ZKSCAN2: variants seen among roughly 807,000 people sequenced by gnomAD.
ZKSCAN2 encodes zinc finger with KRAB and SCAN domains 2, also known as zinc finger protein with KRAB and SCAN domains 2.
ZKSCAN2 carries 38 observed loss-of-function variants against 90.5 expected under a neutral mutation model. The observed-to-expected ratio is 0.42, with a 90% confidence interval of 0.32 to 0.55. The LOEUF (loss-of-function observed/expected upper bound fraction) is 0.55. Among genes scored for constraint, ZKSCAN2 ranks in the 20% least tolerant of loss-of-function variants. The pLI, the probability that ZKSCAN2 is intolerant of heterozygous loss-of-function variation, is 0.11. For missense variants in ZKSCAN2, 1,167 were observed against 1,202.6 expected, an observed-to-expected ratio of 0.97 and a Z score of 0.44; for synonymous variants, 429 against 421.6, an observed-to-expected ratio of 1.02 and a Z score of -0.22.
Position 25,256,808 on chromosome 16 carries a change from T to G in ZKSCAN2, c.320A>C (p.Lys107Thr), listed in dbSNP as rs769362356. Residue 107 changes from lysine (K) to threonine (T), a missense_variant, in exon 1 of 7, where the codon AAG becomes ACG. By Grantham distance (78) the Lys-to-Thr change is moderately conservative. Coordinates refer to ENST00000328086, the MANE Select transcript of ZKSCAN2 (RefSeq NM_001012981.5). ...TTCCTCTCCACTTTGCGGACACTGC[T>G]TCTGTGCCCAAGCCTGAATCTTCTC... ...LPEKIQAWAQ[K>T]QCPQSGEEAV... The G allele has an allele frequency of 1.1e-5, 18 of 1,614,210 alleles. No homozygotes were observed. The highest frequency in any genetic ancestry group is 1.5e-5 in the Non-Finnish European group (18 of 1,180,038).
Position 25,255,502 on chromosome 16 carries a change from A to G in ZKSCAN2, c.400-110T>C, listed in dbSNP as rs1963087494. ...GACAGAGACATGAGAAGGAATGAAAATTCCACTCCATTCCCAGTGGAGTCT... is the reference window on the plus strand; with the variant it reads ...GACAGAGACATGAGAAGGAATGAAAGTTCCACTCCATTCCCAGTGGAGTCT... On this transcript the variant is annotated intron_variant, in intron 1 of 6. Coordinates refer to ENST00000328086, the MANE Select transcript of ZKSCAN2 (RefSeq NM_001012981.5). 3 of 1,167,900 alleles carry G rather than the reference A, an allele frequency of 2.6e-6. No homozygotes were observed. The Admixed American group carries it at 8.4e-5, about 33-fold the overall frequency. 72.3% of individuals were successfully genotyped at this position (1,167,900 alleles called of 1,614,324 possible). A position where few individuals can be genotyped will look rare whatever the true frequency, so the allele number is the denominator to read the frequency against.
intron 5 of ZKSCAN2, 189 bp downstream of exon 5, chr16:25,246,518 C>G: frequency 1.6e-6 from 1 of 623,384 alleles, no homozygotes; most frequent in Non-Finnish European, 2.8e-6. Context: ...CCACTTGGAG[C>G]TGTTACTCTG....
intron 3 of ZKSCAN2, among the ~76,000 whole-genome samples, chr16:25,252,547 G>A (rs1345283340): frequency 6.6e-6 from 1 of 152,078 alleles, no homozygotes; most frequent in Non-Finnish European, 1.5e-5. Flanking sequence ...ACTCTTGACG[G>A]GAGTATAAAA....
rs1225550975 is a variant in ZKSCAN2 at position 25,256,857 on chromosome 16, C to T, written c.271G>A (p.Glu91Lys). 1 of 1,614,128 alleles carries T rather than the reference C, an allele frequency of 6.2e-7. No homozygotes were observed. The highest frequency in any genetic ancestry group is 8.5e-7 in the Non-Finnish European group (1 of 1,180,052). ...KEQILELLVI[E>K]QFLTILPEKI... is the part of the protein sequence containing the mutation. ...TCGGGTAAAATGGTGAGAAACTGCT[C>T]AATCACCAGCAGCTCAAGTATTTGC... The change falls in exon 1 of 7, where the codon GAG becomes AAG. Residue 91 changes from glutamate to lysine, a missense_variant. Coordinates refer to ENST00000328086, the MANE Select transcript of ZKSCAN2 (RefSeq NM_001012981.5).
In ZKSCAN2 at chr16:25,257,142, G is replaced by A. The variant is rs2141373680; in HGVS notation, c.-15C>T. On this transcript the variant is annotated 5_prime_UTR_variant, in exon 1 of 7. Coordinates refer to ENST00000328086, the MANE Select transcript of ZKSCAN2 (RefSeq NM_001012981.5). ...GCGACAGCCATGCTGCAGCCCAGGG[G>A]TCAACTTCACGTCTAGCTCAAGGTG... 1 of 1,574,150 alleles carries A rather than the reference G, an allele frequency of 6.4e-7. No individual in the cohort carries two copies. The highest frequency in any genetic ancestry group is 8.6e-7 in the Non-Finnish European group (1 of 1,160,650).
In ZKSCAN2 at chr16:25,244,215, A is replaced by G; in HGVS notation, c.1551T>C (p.Phe517=). Residue 517 remains phenylalanine (F), a synonymous_variant, in exon 6 of 7, where the codon TTT becomes TTC. Transcript: ENST00000328086. ...GATGACAGGCTTGAAGCGCTTCATA[A>G]AACCGAGTCTCACGGAGGATATCAA... ...TFLDILRETR[F]YEALQACHRK... 1 of 1,614,138 alleles carries G rather than the reference A, an allele frequency of 6.2e-7. No individual in the cohort carries two copies. The highest frequency in any genetic ancestry group is 1.1e-5 in the South Asian group (1 of 91,074).
At position 25,240,620 on chromosome 16, in the gene ZKSCAN2, G is replaced by A. The variant is rs770927011; in HGVS notation, c.2100C>T (p.Pro700=). 6.2e-7 allele frequency: 1 copy of A among 1,613,982 alleles called. No individual in the cohort carries two copies. The highest frequency in any genetic ancestry group is 1.3e-5 in the African/African-American group (1 of 74,878). The change falls in exon 7 of 7, where the codon CCC becomes CCT. Residue 700 remains proline, a synonymous_variant. Coordinates refer to ENST00000328086, the MANE Select transcript of ZKSCAN2 (RefSeq NM_001012981.5). ...TGCATTCCCTTTTGCGATATTTGCTGGGGTCGGTACTCTGGGAAACAACTC... is the reference window on the plus strand; with the variant it reads ...TGCATTCCCTTTTGCGATATTTGCTAGGGTCGGTACTCTGGGAAACAACTC... ...SKRVVSQSTD[P]SKYRKRECIS... is the part of the protein sequence containing the mutation.
chr16:25,257,514 T>G lies in ZKSCAN2; in HGVS notation c.-387A>C, dbSNP rs1963128172. Reference sequence around the variant, plus strand: ...AGGGGGTGTGTCCGCTACTCCCGGGTCGGGCGCGGAGAGGCGAGTCCCCGA... The same window carrying G: ...AGGGGGTGTGTCCGCTACTCCCGGGGCGGGCGCGGAGAGGCGAGTCCCCGA... On this transcript the variant is annotated 5_prime_UTR_variant, in exon 1 of 7. Transcript: ENST00000328086. 2.0e-6 allele frequency: 2 copies of G among 992,186 alleles called. No individual in the cohort carries two copies. Among genetic ancestry groups the G allele is most frequent in the Non-Finnish European group, 2.4e-6 (2 of 835,144 alleles). The allele number at this position is 992,186 out of a possible 1,614,324, so 61.5% of individuals were successfully genotyped here.
rs1833383759 is a variant in ZKSCAN2, at chr16:25,240,373, A to C, written c.2347T>G (p.Cys783Gly). The part of the protein sequence containing the change: ...NPYKCGVCGK[C>G]FGRSRSLIRH... Reference sequence around the variant, plus strand: ...ATCAGGCTCCTGCTTCTACCAAAGCACTTCCCACAGACACCACACTTGTAA... The same window carrying C: ...ATCAGGCTCCTGCTTCTACCAAAGCCCTTCCCACAGACACCACACTTGTAA... Residue 783 changes from cysteine (C) to glycine (G), a missense_variant, in exon 7 of 7, where the codon TGC becomes GGC. Coordinates refer to ENST00000328086, the MANE Select transcript of ZKSCAN2 (RefSeq NM_001012981.5). 6.2e-7 allele frequency: 1 copy of C among 1,614,030 alleles called. No homozygotes were observed. Among genetic ancestry groups the C allele is most frequent in the Admixed American group, 1.7e-5 (1 of 60,008 alleles).
intron 4 of ZKSCAN2, among the ~76,000 whole-genome samples, chr16:25,248,603 G>A (rs8056232): frequency 0.42 from 64,175 of 152,004 alleles, 14,333 homozygotes; most frequent in African/African-American, 0.56. Flanking sequence ...CCACAATGAG[G>A]TATCATTTCA....
chr16:25,240,313 A>G lies in ZKSCAN2; in HGVS notation c.2407T>C (p.Phe803Leu). ...HQRIHTGEKP[F>L]KCLDCGKSFN... The stretch of plus-strand genomic sequence containing the variant: ...CTTTTTCCACAGTCAAGACATTTAA[A>G]AGGTTTTTCGCCTGTGTGGATTCTT... Residue 803 changes from phenylalanine (F) to leucine (L), a missense_variant, in exon 7 of 7, where the codon TTT becomes CTT. By Grantham distance (22) the Phe-to-Leu change is conservative. Coordinates refer to ENST00000328086, the MANE Select transcript of ZKSCAN2 (RefSeq NM_001012981.5). 6.2e-7 allele frequency: 1 copy of G among 1,614,038 alleles called. No homozygotes were observed. Among genetic ancestry groups the G allele is most frequent in the Non-Finnish European group, 8.5e-7 (1 of 1,179,996 alleles).
chr16:25,246,727 A>T lies in ZKSCAN2; in HGVS notation c.1469T>A (p.Val490Asp), dbSNP rs1962938094. The T allele has an allele frequency of 6.2e-7, 1 of 1,614,120 alleles. No individual in the cohort carries two copies. Among genetic ancestry groups the T allele is most frequent in the South Asian group, 1.1e-5 (1 of 91,090 alleles). The change falls in exon 5 of 7, where the codon GTC (valine) becomes GAC (aspartate). Residue 490 changes from valine (V) to aspartate (D), a missense_variant. Val to Asp is a radical substitution (Grantham distance 152). Coordinates refer to ENST00000328086, the MANE Select transcript of ZKSCAN2 (RefSeq NM_001012981.5). ...IRKSEIHGAP[V>D]LFQNLSGVHW... The stretch of plus-strand genomic sequence containing the variant: ...CTTACCACTGAGATTCTGAAACAAG[A>T]CAGGGGCACCATGGATTTCAGACTT...
In ZKSCAN2 at chr16:25,236,668, T is replaced by G. The variant is rs920972696; in HGVS notation, c.*3148A>C. On this transcript the variant is annotated 3_prime_UTR_variant, in exon 7 of 7. Transcript: ENST00000328086. ...CATGCTCATTCCACCAAGGCCAGGC[T>G]GCCCTGAGCCATTTACGTGTGAGGT... 1 of 152,242 alleles carries G rather than the reference T, an allele frequency of 6.6e-6. No individual in the cohort carries two copies. Among genetic ancestry groups the G allele is most frequent in the Non-Finnish European group, 1.5e-5 (1 of 68,044 alleles). The allele number at this position is 152,242 out of a possible 1,614,324, so 9.4% of individuals were successfully genotyped here. A position where few individuals can be genotyped will look rare whatever the true frequency, so the allele number is the denominator to read the frequency against.
rs1963085527 is a variant in ZKSCAN2, at chr16:25,255,401, T to TG, written c.400-10dup. On this transcript the variant is annotated splice_polypyrimidine_tract_variant and intron_variant, in intron 1 of 6. Coordinates refer to ENST00000328086, the MANE Select transcript of ZKSCAN2 (RefSeq NM_001012981.5). ...TGCACGGGACTGCTGACCTGAGAAATGAAGTCAATACCATAAGAGGGAGTA... is the reference window on the plus strand; with the variant it reads ...TGCACGGGACTGCTGACCTGAGAAATGGAAGTCAATACCATAAGAGGGAGTA... 2 of 1,607,516 alleles carry TG rather than the reference T, an allele frequency of 1.2e-6. No individual in the cohort carries two copies. The highest frequency in any genetic ancestry group is 1.7e-5 in the Admixed American group (1 of 59,284).
chr16:25,244,181 T>G lies in ZKSCAN2; in HGVS notation c.1585A>C (p.Lys529Gln), dbSNP rs1962896477. 1.9e-6 allele frequency: 3 copies of G among 1,614,060 alleles called. No individual in the cohort carries two copies. Residue 529 changes from lysine (K) to glutamine (Q), a missense_variant, in exon 6 of 7, where the codon AAA becomes CAA. Lys to Gln is a moderately conservative substitution (Grantham distance 53). Coordinates refer to ENST00000328086, the MANE Select transcript of ZKSCAN2 (RefSeq NM_001012981.5). Reference sequence around the variant, plus strand: ...TGTTCAGCTACAGCCCCATACAATTTGCTCTTCCGATGACAGGCTTGAAGC... The same window carrying G: ...TGTTCAGCTACAGCCCCATACAATTGGCTCTTCCGATGACAGGCTTGAAGC... Reference protein sequence around the residue: ...EALQACHRKSKLYGAVAEQLR... With the variant: ...EALQACHRKSQLYGAVAEQLR...
rs141498487 is a variant in ZKSCAN2 at position 25,256,999 on chromosome 16, G to A, written c.129C>T (p.Thr43=). ...AGAATTGCCTGAAGCATTTGCGGAA[G>A]GTCTCAGAGCTATCCGATCCTTCCA... The part of the protein sequence containing the change: ...PILEGSDSSE[T]FRKCFRQFCY... Residue 43 remains threonine (T), a synonymous_variant, in exon 1 of 7, where the codon ACC becomes ACT. Coordinates refer to ENST00000328086, the MANE Select transcript of ZKSCAN2 (RefSeq NM_001012981.5). The A allele has an allele frequency of 3.3e-4, 531 of 1,614,090 alleles. 1 individual carries two copies. Among genetic ancestry groups the A allele is most frequent in the Non-Finnish European group, 3.9e-4 (462 of 1,180,032 alleles).
intron 2 of ZKSCAN2, among the ~76,000 whole-genome samples, chr16:25,254,596 A>AT (rs1176718624): frequency 2.0e-5 from 3 of 151,954 alleles, no homozygotes; most frequent in East Asian, 1.9e-4. Flanking sequence ...ATCTTATTTT[A>AT]TTTTTTTGTA....
intron 4 of ZKSCAN2, among the ~76,000 whole-genome samples, chr16:25,250,599 T>A (rs1963006559): frequency 6.6e-6 from 1 of 152,154 alleles, no homozygotes; most frequent in Non-Finnish European, 1.5e-5. Flanking sequence ...GCTGAGAGTG[T>A]AGATCTTAAG....
chr16:25,254,419 C>G (rs1289905331), intron 2 of ZKSCAN2, among the ~76,000 whole-genome samples: 1 of 152,194 alleles, frequency 6.6e-6, no homozygotes, highest in Non-Finnish European at 1.5e-5. Flanking sequence ...CCTGTGAAAT[C>G]TTAACTGTTT....
Sources: allele counts gnomAD v4.1 joint callset (sites outside exome capture counted in the v4.1 genomes callset), GRCh38; gene constraint gnomAD v4.1.1; transcripts MANE v1.5; gene names NCBI Gene and HGNC (gene_info 2026-07-23, HGNC 2026-07-21).